The following AGO4 variants were observed in gnomAD, a reference collection of about 807,000 sequenced individuals.
The protein encoded by AGO4 is argonaute RISC component 4.
In AGO4, 33 loss-of-function variants were observed where a neutral mutation model predicts 104.7. The ratio of observed to expected loss-of-function variants is 0.32; its 90% confidence interval spans 0.24 to 0.42. The LOEUF (loss-of-function observed/expected upper bound fraction) is 0.42, where lower values mean the gene tolerates loss of function less well. AGO4 is among the 10% of genes least tolerant of loss of function. AGO4 has a pLI of 1.00. For missense variants in AGO4, 711 were observed against 1,083.4 expected (o/e 0.66, Z 4.83); for synonymous variants, 331 against 364.7 (o/e 0.91, Z 1.05).
rs1644454508 is a variant in AGO4, at chr1:35,841,838, ACACCATTTT to A, written c.2175+89_2175+97del. On this transcript the variant is annotated intron_variant, in intron 15 of 17. Transcript: ENST00000373210. The surrounding 1 kb of genome is among the most constrained non-coding windows in gnomAD (Gnocchi z 4.7). ...TATATATATATATATATATATATAT[ACACCATTTT>A]TATACAATTTTTTTCTTAAAAGCAG... The A allele has an allele frequency of 9.7e-6, 8 of 827,666 alleles. No homozygotes were observed. Among genetic ancestry groups the A allele is most frequent in the Middle Eastern group, 4.6e-4 (1 of 2,180 alleles). The allele number at this position is 827,666 out of a possible 1,614,324, so 51.3% of individuals were successfully genotyped here.
rs1644011114 is a variant in AGO4 at position 35,826,038 on chromosome 1, C to A, written c.738C>A (p.Val246=). ...QTKPLTDSQR[V]KFTKEIRGLK... is the part of the protein sequence containing the mutation. ...AACCTCTAACAGACTCCCAGCGTGT[C>A]AAATTTACCAAAGAAATCAGAGGTA... is the stretch of plus-strand genomic sequence containing the variant. The change falls in exon 6 of 18, where the codon GTC becomes GTA. Residue 246 remains valine, a synonymous_variant. Transcript: ENST00000373210. 1.9e-6 allele frequency: 3 copies of A among 1,614,074 alleles called. No homozygotes were observed. Among genetic ancestry groups the A allele is most frequent in the Non-Finnish European group, 2.5e-6 (3 of 1,180,004 alleles).
intron 1 of AGO4, among the ~76,000 whole-genome samples, chr1:35,809,481 T>A (rs1488471523): frequency 6.6e-6 from 1 of 152,250 alleles, no homozygotes; most frequent in East Asian, 1.9e-4. Context: ...TTTGTTTACT[T>A]AGCACTTGTT....
chr1:35,836,049 T>C (rs1054741085), intron 13 of AGO4, 56 bp downstream of exon 13: 58 of 1,567,006 alleles, frequency 3.7e-5, no homozygotes, highest in Non-Finnish European at 4.8e-5. Context: ...ACATAATTTA[T>C]GGGAAAGCAC....
At chr1:35,819,353 T>C (rs1643832274) in intron 2 of AGO4, among the ~76,000 whole-genome samples, 1 of 151,798 alleles carries the variant, frequency 6.6e-6, no homozygotes, top group Non-Finnish European at 1.5e-5. Context: ...CCCAGCACTT[T>C]AGGAGGCTGA....
chr1:35,827,790 C>CTTTTTT (rs142432459), intron 7 of AGO4, among the ~76,000 whole-genome samples: 8 of 103,822 alleles, frequency 7.7e-5, no homozygotes, highest in Non-Finnish European at 1.1e-4. Flanking sequence ...TGTTGTTATT[C>CTTTTTT]TTTTTTTTTT....
chr1:35,842,886 A>G (rs1644479174), intron 15 of AGO4, among the ~76,000 whole-genome samples: 1 of 152,176 alleles, frequency 6.6e-6, no homozygotes, highest in Non-Finnish European at 1.5e-5. Context: ...TTATTAATAG[A>G]TAATCTTGCT....
In AGO4 at chr1:35,808,379, G is replaced by C. The variant is rs1040711585; in HGVS notation, c.-38G>C. 9 of 1,066,476 alleles carry C rather than the reference G, an allele frequency of 8.4e-6. No homozygotes were observed. In the African/African-American group the frequency reaches 1.5e-4, roughly 18 times the overall value. 66.1% of individuals were successfully genotyped at this position (1,066,476 alleles called of 1,614,324 possible). On this transcript the variant is annotated 5_prime_UTR_variant, in exon 1 of 18. Coordinates refer to ENST00000373210, the MANE Select transcript of AGO4 (RefSeq NM_017629.4). The surrounding 1 kb of genome is among the most constrained non-coding windows in gnomAD (Gnocchi z 5.2). ...GCGGCGGCGGGGCCCGGAGCGGGAG[G>C]CGCCGGGGACCGGGGCGAGGCGGCC...
chr1:35,829,139 C>G (rs962423800), intron 7 of AGO4, among the ~76,000 whole-genome samples: 6 of 151,434 alleles, frequency 4.0e-5, no homozygotes, highest in Non-Finnish European at 5.9e-5. Flanking sequence ...AGGGCTTTGT[C>G]TAGATAGTTG....
chr1:35,817,912 T>C (rs913248391), intron 2 of AGO4, among the ~76,000 whole-genome samples: 1 of 152,214 alleles, frequency 6.6e-6, no homozygotes, highest in African/African-American at 2.4e-5. Context: ...GAATATTTTA[T>C]TGAATGTTTA....
chr1:35,821,845 T>C (rs2148657668), intron 2 of AGO4, among the ~76,000 whole-genome samples: 1 of 152,204 alleles, frequency 6.6e-6, no homozygotes, highest in Admixed American at 6.6e-5. Flanking sequence ...CTCAGATTTT[T>C]AAATTCCTGC....
chr1:35,845,673 TC>T (rs1183620630), intron 15 of AGO4, among the ~76,000 whole-genome samples: 6 of 152,198 alleles, frequency 3.9e-5, no homozygotes, highest in Admixed American at 3.9e-4. Context: ...AATCTGTATT[TC>T]CAGCCCCAAT....
At chr1:35,835,244 A>T (rs1644283873) in intron 12 of AGO4, among the ~76,000 whole-genome samples, 1 of 151,870 alleles carries the variant, frequency 6.6e-6, no homozygotes, top group Non-Finnish European at 1.5e-5. Context: ...TTTAGTAGAG[A>T]TGGGGTTTCA....
intron 13 of AGO4, among the ~76,000 whole-genome samples, chr1:35,837,585 G>T (rs921471996): frequency 6.6e-6 from 1 of 151,982 alleles, no homozygotes; most frequent in Non-Finnish European, 1.5e-5. Flanking sequence ...TTGTCCTGTT[G>T]ACCAGGCTGG....
intron 2 of AGO4, among the ~76,000 whole-genome samples, chr1:35,818,009 A>G (rs1643766389): frequency 6.6e-6 from 1 of 152,188 alleles, no homozygotes; most frequent in Admixed American, 6.5e-5. Flanking sequence ...CGTATATTCT[A>G]ATGGGGAAGA....
intron 15 of AGO4, among the ~76,000 whole-genome samples, chr1:35,842,717 G>A (rs532041484): frequency 2.0e-5 from 3 of 152,166 alleles, no homozygotes; most frequent in East Asian, 3.9e-4. Flanking sequence ...CAGGAGAATC[G>A]CTTGAACCCA....
Position 35,833,993 on chromosome 1 carries a change from T to A in AGO4, c.1383T>A (p.Ser461Arg). ...GTTACTGGTTCTATTTTAACAGGAG[T>A]TTCACTGACCAGCTGCGTAAAATCT... ...QKQCREDLLK[S>R]FTDQLRKISK... is the part of the protein sequence containing the mutation. The change falls in exon 12 of 18, where the codon AGT (serine) becomes AGA (arginine). Residue 461 changes from serine to arginine, a missense_variant. Coordinates refer to ENST00000373210, the MANE Select transcript of AGO4 (RefSeq NM_017629.4). 6.5e-7 allele frequency: 1 copy of A among 1,527,610 alleles called. No individual in the cohort carries two copies. The allele number at this position is 1,527,610 out of a possible 1,614,324, so 94.6% of individuals were successfully genotyped here. A position where few individuals can be genotyped will look rare whatever the true frequency, so the allele number is the denominator to read the frequency against.
intron 2 of AGO4, among the ~76,000 whole-genome samples, chr1:35,818,560 G>GT (rs1643785988): frequency 6.6e-6 from 1 of 151,910 alleles, no homozygotes; most frequent in Non-Finnish European, 1.5e-5. Context: ...GGAGACGGAG[G>GT]TTGCAGTGAG....
At chr1:35,853,155 G>A (rs895051739) in intron 17 of AGO4, among the ~76,000 whole-genome samples, 20 of 151,472 alleles carry the variant, frequency 1.3e-4, no homozygotes, top group Non-Finnish European at 1.8e-4. Flanking sequence ...GGAGGCTGAG[G>A]CAGGAGAATG....
At chr1:35,809,038 A>T (rs1328636271) in intron 1 of AGO4, among the ~76,000 whole-genome samples, 2 of 152,210 alleles carry the variant, frequency 1.3e-5, no homozygotes, top group East Asian at 3.8e-4. Flanking sequence ...TCTGTGTGTT[A>T]GTCTCAGAGT....
Sources: gnomAD v4.1 joint callset for allele counts (sites outside exome capture counted in the v4.1 genomes callset) on GRCh38, gnomAD v4.1.1 for gene constraint, Gnocchi (gnomAD v3.1) non-coding constraint, MANE v1.5 for transcripts, NCBI Gene and HGNC (gene_info 2026-07-23, HGNC 2026-07-21) for gene names.